The following IPO11 variants were observed in gnomAD, a reference collection of about 807,000 sequenced individuals.
IPO11 encodes the protein importin 11.
IPO11 carries 66 observed loss-of-function variants against 143.2 expected under a neutral mutation model. The observed-to-expected ratio is 0.46, with a 90% CI of 0.38 to 0.57. The LOEUF is 0.57. IPO11 is among the 20% of genes least tolerant of loss of function. The probability of loss-of-function intolerance (pLI) is 0.00; values close to 1 mark genes in which losing one functional copy is unlikely to be tolerated. For missense variants in IPO11, 1,026 were observed against 1,141.0 expected, an observed-to-expected ratio of 0.90 and a Z score of 1.45; for synonymous variants, 385 against 377.8, an observed-to-expected ratio of 1.02 and a Z score of -0.22.
intron 26 of IPO11, among the ~76,000 whole-genome samples, chr5:62,552,018 G>C (rs560972427): frequency 6.6e-6 from 1 of 152,238 alleles, no homozygotes; most frequent in African/African-American, 2.4e-5. Context: ...CAGCTACTTG[G>C]GAGGCTGAGG....
Position 62,591,634 on chromosome 5 carries a change from T to C in IPO11, c.2640T>C (p.Asp880=), listed in dbSNP as rs1745015476. ...IINISVEGLH[D]VMTEDPETGT... The stretch of plus-strand genomic sequence containing the variant: ...ACATTTCAGTAGAAGGCCTGCATGA[T>C]GTCATGACGGAAGATCCTGAAACAG... Residue 880 remains aspartate (D), a synonymous_variant, in exon 28 of 30, where the codon GAT becomes GAC. Coordinates refer to ENST00000325324, the MANE Select transcript of IPO11 (RefSeq NM_016338.5). The C allele has an allele frequency of 6.2e-7, 1 of 1,609,532 alleles. No homozygotes were observed. The highest frequency in any genetic ancestry group is 8.5e-7 in the Non-Finnish European group (1 of 1,178,272).
intron 1 of IPO11, among the ~76,000 whole-genome samples, chr5:62,414,160 T>G (rs1191339220): frequency 6.6e-6 from 1 of 152,242 alleles, no homozygotes; most frequent in Non-Finnish European, 1.5e-5. Flanking sequence ...TAAACAAATA[T>G]GTAAAGATTA....
chr5:62,545,708 A>G (rs928635550), intron 24 of IPO11, among the ~76,000 whole-genome samples: 4 of 152,228 alleles, frequency 2.6e-5, no homozygotes, highest in Admixed American at 1.3e-4. Flanking sequence ...CTCATCTGAC[A>G]AAGGGCTAAT....
chr5:62,524,257 T>C (rs1285103901), intron 20 of IPO11, among the ~76,000 whole-genome samples: 1 of 152,136 alleles, frequency 6.6e-6, no homozygotes, highest in South Asian at 2.1e-4. Context: ...CAGTGTGTTA[T>C]ATAGTATAGT....
chr5:62,626,826 A>G (rs1214201666), intron 29 of IPO11, among the ~76,000 whole-genome samples: 3 of 152,152 alleles, frequency 2.0e-5, no homozygotes, highest in African/African-American at 7.2e-5. Flanking sequence ...GGACAATTGT[A>G]TTTAAATGTT....
intron 1 of IPO11, among the ~76,000 whole-genome samples, chr5:62,417,366 A>G (rs1188333242): frequency 1.5e-5 from 2 of 129,190 alleles, no homozygotes; most frequent in Admixed American, 1.8e-4. Flanking sequence ...GAAGGCTGAC[A>G]GTCCATAGCA....
At chr5:62,475,998 A>G (rs942542359) in intron 8 of IPO11, among the ~76,000 whole-genome samples, 4 of 152,206 alleles carry the variant, frequency 2.6e-5, no homozygotes, top group Non-Finnish European at 5.9e-5. Context: ...GTTTTATGTT[A>G]GTCAGTTTCA....
chr5:62,566,869 T>C (rs1561365733), intron 27 of IPO11, among the ~76,000 whole-genome samples: 1 of 152,100 alleles, frequency 6.6e-6, no homozygotes, highest in Non-Finnish European at 1.5e-5. Context: ...TGTATATATA[T>C]TTTTTAGTGG....
At position 62,484,069 on chromosome 5, in the gene IPO11, A is replaced by G. The variant is rs756895879; in HGVS notation, c.1081A>G (p.Thr361Ala). Residue 361 changes from threonine (T) to alanine (A), a missense_variant, in exon 11 of 30, where the codon ACT (threonine) becomes GCT (alanine). By Grantham distance (58) the Thr-to-Ala change is moderately conservative. Around this residue, in one of 5 missense-constraint regions of IPO11, gnomAD observed 429 missense variants for 456.3 expected, o/e 0.94. Transcript: ENST00000325324. ...KIKMAFFTYPTLTEICRRLVS... is the reference protein window; with the variant it reads ...KIKMAFFTYPALTEICRRLVS... Reference sequence around the variant, plus strand: ...TAAGATGGCATTCTTCACATATCCTACTTTGACAGAGATATGTAGAAGATT... The same window carrying G: ...TAAGATGGCATTCTTCACATATCCTGCTTTGACAGAGATATGTAGAAGATT... 1.2e-6 allele frequency: 2 copies of G among 1,608,524 alleles called. No individual in the cohort carries two copies. The highest frequency in any genetic ancestry group is 3.4e-5 in the Admixed American group (2 of 59,294).
intron 20 of IPO11, among the ~76,000 whole-genome samples, chr5:62,519,247 A>T (rs1263409024): frequency 2.6e-5 from 4 of 152,034 alleles, no homozygotes; most frequent in African/African-American, 9.7e-5. Flanking sequence ...ATTTTTTTTT[A>T]AGGTTTATAT....
intron 27 of IPO11, among the ~76,000 whole-genome samples, chr5:62,573,081 C>T: frequency 6.7e-6 from 1 of 149,760 alleles, no homozygotes; most frequent in East Asian, 2.0e-4. Context: ...GAGTTTCACA[C>T]TGTCGCCCAG....
chr5:62,545,024 A>G lies in IPO11; in HGVS notation c.2251-5343A>G, dbSNP rs186320523. Among the ~76,000 whole-genome samples the G allele has an allele frequency of 1.2e-4, 19 of 152,306 alleles. No individual in the cohort carries two copies. In the East Asian group the frequency reaches 3.7e-3, roughly 29 times the overall value. On this transcript the variant is annotated intron_variant, in intron 24 of 29. Coordinates refer to ENST00000325324, the MANE Select transcript of IPO11 (RefSeq NM_016338.5). ...TATCGTGAAAATGGCCATACTATCC[A>G]AGGTAATTTATAGATTCAGTGCCAT...
chr5:62,578,793 A>G (rs1253084445), intron 27 of IPO11: 3 of 140,286 alleles, frequency 2.1e-5, no homozygotes, highest in African/African-American at 2.9e-5. Flanking sequence ...ACGGTGACTT[A>G]AAAAAAAAAA....
At chr5:62,457,582 A>ATGAAT (rs1395745826) in intron 5 of IPO11, among the ~76,000 whole-genome samples, 1 of 152,196 alleles carries the variant, frequency 6.6e-6, no homozygotes, top group Non-Finnish European at 1.5e-5. Flanking sequence ...AATACTTCAG[A>ATGAAT]AGGTCATCGT....
At chr5:62,413,891 A>T (rs1311025336) in intron 1 of IPO11, among the ~76,000 whole-genome samples, 3 of 152,248 alleles carry the variant, frequency 2.0e-5, no homozygotes, top group Non-Finnish European at 4.4e-5. Flanking sequence ...TGCATGACAC[A>T]TATTACATCT....
At chr5:62,487,084 G>A (rs1355692082) in intron 12 of IPO11, among the ~76,000 whole-genome samples, 1 of 151,832 alleles carries the variant, frequency 6.6e-6, no homozygotes, top group African/African-American at 2.4e-5. Context: ...ATATTTATGG[G>A]GTACATGAGA....
At chr5:62,449,657 C>T (rs926141290) in intron 3 of IPO11, 3 of 236,910 alleles carry the variant, frequency 1.3e-5, no homozygotes, top group Middle Eastern at 1.3e-3. Flanking sequence ...TTTATGCTTC[C>T]GACTTATCTG....
In IPO11 at chr5:62,601,787, A is replaced by G. The variant is rs1195291091; in HGVS notation, c.2702A>G (p.Glu901Gly). 3 of 1,591,560 alleles carry G rather than the reference A, an allele frequency of 1.9e-6. No individual in the cohort carries two copies. Among genetic ancestry groups the G allele is most frequent in the Admixed American group, 1.7e-5 (1 of 57,362 alleles). Residue 901 changes from glutamate to glycine, a missense_variant, in exon 29 of 30, where the codon GAG becomes GGG. By Grantham distance (98) the Glu-to-Gly change is moderately conservative (BLOSUM62 -2). Transcript: ENST00000325324. ...AGCTGTATGTTGATGTCTCATCTTG[A>G]GGAACCAAAAGTAACAGAAGATGAA... The part of the protein sequence containing the change: ...YKDCMLMSHL[E>G]EPKVTEDEEP...
intron 13 of IPO11, 51 bp downstream of exon 13, chr5:62,487,912 TAAG>T (rs763080731): frequency 1.3e-6 from 2 of 1,491,418 alleles, no homozygotes; most frequent in South Asian, 2.4e-5. Context: ...AACGTTTAGT[TAAG>T]AAATAGTCTG....
Sources: gnomAD v4.1 joint callset for allele counts (sites outside exome capture counted in the v4.1 genomes callset) on GRCh38, gnomAD v4.1.1 for gene constraint, gnomAD v4.1.1 regional missense constraint, MANE v1.5 for transcripts, NCBI Gene and HGNC (gene_info 2026-07-23, HGNC 2026-07-21) for gene names.